METTL4: variants seen among roughly 807,000 people sequenced by gnomAD.
METTL4 encodes methyltransferase 4, N6-adenosine, also known as N(6)-adenine-specific methyltransferase METTL4.
Under a neutral mutation model 54.0 loss-of-function variants are expected in METTL4, and 40 were observed. The observed-to-expected ratio is 0.74, with a 90% CI of 0.58 to 0.96. METTL4 has a LOEUF of 0.96. Ranked by LOEUF, METTL4 falls within the 50% of genes least tolerant of loss-of-function variation. METTL4 has a pLI of 0.00. For missense variants in METTL4, 525 were observed against 549.0 expected, an observed-to-expected ratio of 0.96 and a Z score of 0.44; for synonymous variants, 169 against 183.8, an observed-to-expected ratio of 0.92 and a Z score of 0.65.
chr18:2,565,794 G>A (rs897484730), intron 2 of METTL4, among the ~76,000 whole-genome samples: 1 of 151,984 alleles, frequency 6.6e-6, no homozygotes, highest in Non-Finnish European at 1.5e-5. Context: ...TGTTGAGGCC[G>A]GGTGCAGTGG....
intron 1 of METTL4, among the ~76,000 whole-genome samples, chr18:2,569,540 G>A (rs1157739957): frequency 6.7e-6 from 1 of 149,752 alleles, no homozygotes; most frequent in East Asian, 2.0e-4. Context: ...AGGCTTGTTA[G>A]AGTAGACGTG....
At chr18:2,557,253 A>G (rs931742338) in intron 3 of METTL4, among the ~76,000 whole-genome samples, 1 of 152,170 alleles carries the variant, frequency 6.6e-6, no homozygotes, top group African/African-American at 2.4e-5. Flanking sequence ...CTATGTACTG[A>G]TCAGTACAAG....
At chr18:2,561,912 T>C (rs1449979680) in intron 3 of METTL4, 1 of 152,158 alleles carries the variant, frequency 6.6e-6, no homozygotes, top group Non-Finnish European at 1.5e-5. Flanking sequence ...CAAGTGTCAT[T>C]TCCAGAAAAT....
In METTL4 at chr18:2,554,714, T is replaced by C. The variant is rs749396856; in HGVS notation, c.784A>G (p.Ser262Gly). 5.0e-6 allele frequency: 8 copies of C among 1,609,920 alleles called. No individual in the cohort carries two copies. Among genetic ancestry groups the C allele is most frequent in the Non-Finnish European group, 4.2e-6 (5 of 1,178,908 alleles). Reference protein sequence around the residue: ...GQKYLLPPKSSFLLSDISCMQ... With the variant: ...GQKYLLPPKSGFLLSDISCMQ... ...CAAGAAATGTCAGATAAAAGAAAAC[T>C]GCTTTTCGGTGGTAGCAGGTATTTC... The change falls in exon 4 of 9, where the codon AGT (serine) becomes GGT (glycine). Residue 262 changes from serine to glycine, a missense_variant. Transcript: ENST00000574538.
intron 4 of METTL4, chr18:2,552,983 C>A: frequency 2.1e-6 from 1 of 470,702 alleles, no homozygotes; most frequent in Non-Finnish European, 3.8e-6. Context: ...TTACCTATTG[C>A]AATTGTTGCA....
At chr18:2,552,601 T>C (rs576028910) in intron 5 of METTL4, 94 bp downstream of exon 5, 27 of 798,382 alleles carry the variant, frequency 3.4e-5, no homozygotes, top group South Asian at 1.6e-4. Flanking sequence ...TTTCAGATAA[T>C]CTATATCATA....
chr18:2,561,651 T>C (rs1040297751), intron 3 of METTL4: 23 of 152,240 alleles, frequency 1.5e-4, no homozygotes, highest in African/African-American at 4.8e-4. Flanking sequence ...CACTACCGGA[T>C]AGTCAAACCT....
At chr18:2,542,836 C>T (rs967445052) in intron 8 of METTL4, among the ~76,000 whole-genome samples, 11 of 152,138 alleles carry the variant, frequency 7.2e-5, no homozygotes, top group African/African-American at 2.2e-4. Context: ...ACTATAAACA[C>T]CCTTCTAGAG....
Position 2,552,776 on chromosome 18 carries a change from G to C in METTL4, c.830-12C>G. 6.3e-7 allele frequency: 1 copy of C among 1,582,496 alleles called. No individual in the cohort carries two copies. ...AAATGTTTTCCTATCTGAAAACAAA[G>C]ATACAATTTCAGAAAATACCTTCTC... On this transcript the variant is annotated splice_polypyrimidine_tract_variant and intron_variant, in intron 4 of 8. Coordinates refer to ENST00000574538, the MANE Select transcript of METTL4 (RefSeq NM_022840.5).
chr18:2,542,943 C>A (rs924351013), intron 8 of METTL4, among the ~76,000 whole-genome samples: 1 of 151,986 alleles, frequency 6.6e-6, no homozygotes, highest in Non-Finnish European at 1.5e-5. Context: ...GCCTGGCCAA[C>A]ATGGCGAAAC....
intron 4 of METTL4, 145 bp from the exon 5 acceptor site, chr18:2,552,909 C>T (rs2072184739): frequency 3.5e-6 from 2 of 576,666 alleles, no homozygotes; most frequent in Non-Finnish European, 6.1e-6. Flanking sequence ...AGCATTTATT[C>T]AAACAGAGTA....
chr18:2,547,023 A>G (rs1020804643), intron 6 of METTL4, among the ~76,000 whole-genome samples: 3 of 152,130 alleles, frequency 2.0e-5, no homozygotes, highest in Non-Finnish European at 4.4e-5. Flanking sequence ...GAGTAAGACT[A>G]TTTCTATGTT....
chr18:2,550,302 AT>A (rs1389029045), intron 5 of METTL4, among the ~76,000 whole-genome samples: 1 of 152,164 alleles, frequency 6.6e-6, no homozygotes, highest in Non-Finnish European at 1.5e-5. Context: ...CACTGAGCAA[AT>A]TCTAAAATAT....
chr18:2,540,485 G>T (rs549110305), intron 8 of METTL4: 3 of 985,050 alleles, frequency 3.0e-6, no homozygotes, highest in African/African-American at 3.5e-5. Context: ...TGCTCTCACA[G>T]CAAAATACTT....
chr18:2,563,675 G>T, intron 3 of METTL4, 122 bp downstream of exon 3: 110 of 408,008 alleles, frequency 2.7e-4, no homozygotes, highest in Middle Eastern at 6.9e-4. Flanking sequence ...AATATATTAA[G>T]TGCTAAGCCT....
At chr18:2,540,586 T>G (rs931522979) in intron 8 of METTL4, 100 of 985,256 alleles carry the variant, frequency 1.0e-4, no homozygotes, top group Non-Finnish European at 1.2e-4. Context: ...GAACTCAAAT[T>G]TGGGCTTTGA....
chr18:2,560,863 G>A (rs1025791843), intron 3 of METTL4, among the ~76,000 whole-genome samples: 1 of 152,126 alleles, frequency 6.6e-6, no homozygotes, highest in Non-Finnish European at 1.5e-5. Context: ...GGGCGACAGA[G>A]CGAGACTCTG....
Position 2,566,932 on chromosome 18 carries a change from GACATCAA to G in METTL4, c.278_284del (p.Phe93SerfsTer6). 1.2e-6 allele frequency: 2 copies of G among 1,614,022 alleles called. No individual in the cohort carries two copies. Among genetic ancestry groups the G allele is most frequent in the Non-Finnish European group, 1.7e-6 (2 of 1,179,976 alleles). On this transcript the variant is annotated frameshift_variant, in exon 2 of 9. Coordinates refer to ENST00000574538, the MANE Select transcript of METTL4 (RefSeq NM_022840.5). LOFTEE classifies it high-confidence loss of function. ...CAGCTGGAGTTATATAAGGTTTGGT[GACATCAA>G]ACAGTTCAGGTCGAAAAACAAATTT...
intron 2 of METTL4, 35 bp from the exon 3 acceptor site, chr18:2,563,894 G>A: frequency 6.6e-7 from 1 of 1,509,730 alleles, no homozygotes; most frequent in African/African-American, 1.4e-5. Context: ...GAAAAGTTAT[G>A]TTGCCATTAA....
Sources: gnomAD v4.1 joint callset for allele counts (sites outside exome capture counted in the v4.1 genomes callset) on GRCh38, gnomAD v4.1.1 for gene constraint, MANE v1.5 for transcripts, NCBI Gene and HGNC (gene_info 2026-07-23, HGNC 2026-07-21) for gene names.